NUP35: variants seen among roughly 807,000 people sequenced by gnomAD.
NUP35 encodes the protein nucleoporin NUP35.
In NUP35, 25 loss-of-function variants were observed where a neutral mutation model predicts 41.5. The observed-to-expected ratio is 0.60, with a 90% CI of 0.44 to 0.84. The LOEUF is 0.84. NUP35 is among the 40% of genes least tolerant of loss of function. NUP35 has a pLI of 0.00. For missense variants in NUP35, 396 were observed against 396.6 expected (o/e 1.00, Z 0.01); for synonymous variants, 149 against 130.7 (o/e 1.14, Z -0.96).
Position 183,128,460 on chromosome 2 carries a change from A to T in NUP35, c.211+3A>T. ...AATGAGATCACCTTTACTTGCAGGTAGGTGAATTGCTTAAAATAATTTTAT... is the reference window on the plus strand; with the variant it reads ...AATGAGATCACCTTTACTTGCAGGTTGGTGAATTGCTTAAAATAATTTTAT... On this transcript the variant is annotated splice_donor_region_variant and intron_variant, in intron 2 of 8. Transcript: ENST00000295119. The T allele has an allele frequency of 6.2e-7, 1 of 1,609,716 alleles. No individual in the cohort carries two copies. Among genetic ancestry groups the T allele is most frequent in the Non-Finnish European group, 8.5e-7 (1 of 1,177,358 alleles).
intron 4 of NUP35, among the ~76,000 whole-genome samples, chr2:183,136,897 C>T (rs1229922272): frequency 6.6e-6 from 1 of 152,036 alleles, no homozygotes; most frequent in East Asian, 1.9e-4. Context: ...TGAGACCAGG[C>T]TGGCCAATAT....
upstream of NUP35, among the ~76,000 whole-genome samples, chr2:183,121,915 T>TTTATTATTATTA (rs71008266): frequency 0.088 from 12,732 of 145,292 alleles, 637 homozygotes; most frequent in South Asian, 0.15. Flanking sequence ...GGCCATTCTT[T>TTTATTATTATTA]TTATTATTAT....
At position 183,158,559 on chromosome 2, in the gene NUP35, G is replaced by A. The variant is rs1685757862; in HGVS notation, c.738+148G>A. 6.5e-6 allele frequency: 4 copies of A among 611,384 alleles called. No homozygotes were observed. The South Asian group carries it at 1.7e-4, about 26-fold the overall frequency. 37.9% of individuals were successfully genotyped at this position (611,384 alleles called of 1,614,324 possible). A position where few individuals can be genotyped will look rare whatever the true frequency, so the allele number is the denominator to read the frequency against. Reference sequence around the variant, plus strand: ...TGATGATGTTTATAGTACTCTTTGTGGTAAGCCGAAGGTATTTAATCATAG... The same window carrying A: ...TGATGATGTTTATAGTACTCTTTGTAGTAAGCCGAAGGTATTTAATCATAG... On this transcript the variant is annotated intron_variant, in intron 7 of 8. Coordinates refer to ENST00000295119, the MANE Select transcript of NUP35 (RefSeq NM_138285.5).
intron 4 of NUP35, among the ~76,000 whole-genome samples, chr2:183,145,842 A>G (rs1013903360): frequency 1.3e-5 from 2 of 152,234 alleles, no homozygotes; most frequent in Admixed American, 1.3e-4. Flanking sequence ...TGATATCAAA[A>G]CAAAACTACA....
chr2:183,159,425 A>T (rs1685787288), intron 7 of NUP35, 63 bp from the exon 8 acceptor site: 3 of 1,236,438 alleles, frequency 2.4e-6, no homozygotes, highest in East Asian at 4.9e-5. Flanking sequence ...TCTAAGTAGG[A>T]TGTAATACTG....
chr2:183,159,640 T>C lies in NUP35; in HGVS notation c.891T>C (p.Thr297=). 6.2e-7 allele frequency: 1 copy of C among 1,611,924 alleles called. No homozygotes were observed. Among genetic ancestry groups the C allele is most frequent in the Non-Finnish European group, 8.5e-7 (1 of 1,178,800 alleles). ...TTGCTACAGCATACAAAGCCTCTACTAGTGATTATCAGGTATTTTAAGGAT... is the reference window on the plus strand; with the variant it reads ...TTGCTACAGCATACAAAGCCTCTACCAGTGATTATCAGGTATTTTAAGGAT... ...RPLATAYKAS[T]SDYQVISDRQ... is the part of the protein sequence containing the mutation. The change falls in exon 8 of 9, where the codon ACT becomes ACC. Residue 297 remains threonine (T), a synonymous_variant. Transcript: ENST00000295119.
chr2:183,144,553 ATCTT>A (rs1488435779), intron 4 of NUP35, among the ~76,000 whole-genome samples: 1 of 152,132 alleles, frequency 6.6e-6, no homozygotes, highest in African/African-American at 2.4e-5. Context: ...AAATAATTGA[ATCTT>A]TCTTTTAATT....
In NUP35 at chr2:183,159,605, A is replaced by T; in HGVS notation, c.856A>T (p.Met286Leu). Residue 286 changes from methionine to leucine, a missense_variant, in exon 8 of 9, where the codon ATG (methionine) becomes TTG (leucine). Physicochemically the swap from Met to Leu is conservative, Grantham distance 15. Transcript: ENST00000295119. ...TGGAAGTACTCCTAGGATTTCTACC[A>T]TGAGACCTCTTGCTACAGCATACAA... ...QPGSTPRIST[M>L]RPLATAYKAS... 6.2e-7 allele frequency: 1 copy of T among 1,613,482 alleles called. No homozygotes were observed. Among genetic ancestry groups the T allele is most frequent in the Non-Finnish European group, 8.5e-7 (1 of 1,179,658 alleles).
upstream of NUP35, among the ~76,000 whole-genome samples, chr2:183,122,651 T>G (rs192249559): frequency 9.8e-5 from 15 of 152,286 alleles, no homozygotes; most frequent in Admixed American, 9.8e-4. Context: ...TTTTTTATTT[T>G]GTAGAGAAGT....
intron 5 of NUP35, among the ~76,000 whole-genome samples, chr2:183,153,137 GC>G (rs1028317604): frequency 1.3e-5 from 2 of 152,080 alleles, no homozygotes; most frequent in Non-Finnish European, 2.9e-5. Flanking sequence ...GGAAAGACTG[GC>G]CCCCATGAAT....
intron 4 of NUP35, among the ~76,000 whole-genome samples, chr2:183,146,706 C>T (rs1685291255): frequency 6.6e-6 from 1 of 152,014 alleles, no homozygotes; most frequent in African/African-American, 2.4e-5. Context: ...GAGCGATTCT[C>T]TTGTCTCAGC....
upstream of NUP35, among the ~76,000 whole-genome samples, chr2:183,122,382 A>C (rs1700081855): frequency 6.6e-6 from 1 of 152,156 alleles, no homozygotes; most frequent in African/African-American, 2.4e-5. Flanking sequence ...GGCTGGTGCA[A>C]ATCTTTTTCA....
upstream of NUP35, among the ~76,000 whole-genome samples, chr2:183,121,313 A>G (rs1232424691): frequency 6.6e-6 from 1 of 152,178 alleles, no homozygotes; most frequent in Non-Finnish European, 1.5e-5. Flanking sequence ...GAAACAGATA[A>G]TTTACTAAAA....
intron 1 of NUP35, 117 bp from the exon 2 acceptor site, chr2:183,128,170 A>C (rs1684565026): frequency 5.0e-6 from 3 of 600,568 alleles, no homozygotes; most frequent in Non-Finnish European, 8.0e-6. Flanking sequence ...GTTCTATTAT[A>C]TCTAAAAGTT....
intron 5 of NUP35, among the ~76,000 whole-genome samples, chr2:183,153,507 T>C (rs1382654608): frequency 6.6e-6 from 1 of 152,100 alleles, no homozygotes; most frequent in Non-Finnish European, 1.5e-5. Flanking sequence ...ACAGAGGGGT[T>C]ATAGGCCCCA....
At chr2:183,159,946 A>G (rs1685810852) in intron 8 of NUP35, 1 of 263,098 alleles carries the variant, frequency 3.8e-6, no homozygotes, top group African/African-American at 2.3e-5. Flanking sequence ...TCCTGTGTGC[A>G]TCTTTGACAT....
At chr2:183,131,667 C>CT (rs982925321) in intron 3 of NUP35, among the ~76,000 whole-genome samples, 24 of 152,256 alleles carry the variant, frequency 1.6e-4, no homozygotes, top group African/African-American at 5.8e-4. Context: ...TTGAGATACA[C>CT]TTTAAGTATA....
chr2:183,152,549 C>A (rs539515476), intron 5 of NUP35, among the ~76,000 whole-genome samples: 264 of 152,274 alleles, frequency 1.7e-3, no homozygotes, highest in African/African-American at 6.3e-3. Flanking sequence ...GTTTTCCATT[C>A]CTAAGTTACT....
intron 4 of NUP35, among the ~76,000 whole-genome samples, chr2:183,143,956 G>A (rs1326278394): frequency 1.3e-5 from 2 of 152,188 alleles, no homozygotes; most frequent in Non-Finnish European, 2.9e-5. Context: ...CCTTACTTCA[G>A]ATACTAGCTG....
Sources: gnomAD v4.1 joint callset for allele counts (sites outside exome capture counted in the v4.1 genomes callset) on GRCh38, gnomAD v4.1.1 for gene constraint, MANE v1.5 for transcripts, NCBI Gene and HGNC (gene_info 2026-07-23, HGNC 2026-07-21) for gene names.